Variants in WDR1 observed in about 807,000 individuals in gnomAD.
WDR1 encodes the protein WD repeat domain 1, also known as WD repeat-containing protein 1.
A neutral mutation model predicts 71.9 loss-of-function variants in WDR1; 21 were observed. The ratio of observed to expected loss-of-function variants is 0.29; its 90% CI spans 0.21 to 0.42. WDR1 has a LOEUF of 0.42. WDR1 is among the 10% of genes least tolerant of loss of function. The pLI, the probability that WDR1 is intolerant of heterozygous loss-of-function variation, is 1.00. For missense variants in WDR1, 696 were observed against 824.5 expected (o/e 0.84, Z 1.91); for synonymous variants, 424 against 347.4 (o/e 1.22, Z -2.45).
At chr4:10,084,587 C>T (rs1765138769) in intron 8 of WDR1, 57 bp from the exon 9 acceptor site, 2 of 1,533,236 alleles carry the variant, frequency 1.3e-6, no homozygotes, top group Non-Finnish European at 9.0e-7. Flanking sequence ...TGCCCTCTGC[C>T]ACCCGCTTTC....
chr4:10,101,081 C>T (rs1432076494), intron 3 of WDR1, among the ~76,000 whole-genome samples: 1 of 152,256 alleles, frequency 6.6e-6, no homozygotes, highest in African/African-American at 2.4e-5. Context: ...ATGGCCCTCG[C>T]CAACTCCCAA....
rs1764737631 is a variant in WDR1 at position 10,074,864 on chromosome 4, CA to C, written c.*513del. The C allele has an allele frequency of 1.9e-5, 3 of 156,166 alleles. No homozygotes were observed. The highest frequency in any genetic ancestry group is 7.2e-5 in the African/African-American group (3 of 41,610). The allele number at this position is 156,166 out of a possible 1,614,324, so 9.7% of individuals were successfully genotyped here. A position where few individuals can be genotyped will look rare whatever the true frequency, so the allele number is the denominator to read the frequency against. On this transcript the variant is annotated 3_prime_UTR_variant, in exon 15 of 15. Coordinates refer to ENST00000499869, the MANE Select transcript of WDR1 (RefSeq NM_017491.5). ...TGATCTGGAGGTGGCGCTCTGAAGG[CA>C]GCCACAAGGTGTGAGTCACACACTA...
At chr4:10,113,757 A>T (rs1713535378) in intron 2 of WDR1, among the ~76,000 whole-genome samples, 1 of 152,284 alleles carries the variant, frequency 6.6e-6, no homozygotes, top group Non-Finnish European at 1.5e-5. Flanking sequence ...ATGTGGAGTC[A>T]GAAGGATTTA....
At chr4:10,106,732 G>C (rs979675014) in intron 2 of WDR1, among the ~76,000 whole-genome samples, 2 of 152,188 alleles carry the variant, frequency 1.3e-5, no homozygotes, top group Admixed American at 6.5e-5. Flanking sequence ...ACTCACTCTC[G>C]TTTGTATTCT....
At chr4:10,109,194 C>T (rs1000913231) in intron 2 of WDR1, among the ~76,000 whole-genome samples, 5 of 152,270 alleles carry the variant, frequency 3.3e-5, no homozygotes, top group Admixed American at 6.5e-5. Context: ...AGACACTGGG[C>T]GATACGCCCC....
At chr4:10,093,421 C>T (rs1324296779) in intron 5 of WDR1, among the ~76,000 whole-genome samples, 1 of 152,248 alleles carries the variant, frequency 6.6e-6, no homozygotes, top group Non-Finnish European at 1.5e-5. Context: ...TGGCTCTGGA[C>T]CATCCTTCAG....
At chr4:10,088,880 T>A in intron 5 of WDR1, 139 bp from the exon 6 acceptor site, 1 of 709,598 alleles carries the variant, frequency 1.4e-6, no homozygotes, top group Non-Finnish European at 2.5e-6. Context: ...TTTCAGAGCT[T>A]AAAAAAACAT....
rs372838574 is a variant in WDR1 at position 10,075,404 on chromosome 4, C to G, written c.1795G>C (p.Val599Leu). The change falls in exon 15 of 15, where the codon GTC (valine) becomes CTC (leucine). Residue 599 changes from valine (V) to leucine (L), a missense_variant. Physicochemically the swap from Val to Leu is conservative, Grantham distance 32. Transcript: ENST00000499869. Reference sequence around the variant, plus strand: ...CAGTAGGTGATTGTCCACTCCTTGACAGAGGCATCATGGGAGGTCGTGACC... The same window carrying G: ...CAGTAGGTGATTGTCCACTCCTTGAGAGAGGCATCATGGGAGGTCGTGACC... ...TLVTTSHDAS[V>L]KEWTITY The G allele has an allele frequency of 3.7e-6, 6 of 1,613,836 alleles. No homozygotes were observed. The African/African-American group carries it at 8.0e-5, about 22-fold the overall frequency.
At chr4:10,083,660 G>T in intron 9 of WDR1, 1 of 476,700 alleles carries the variant, frequency 2.1e-6, no homozygotes, top group Non-Finnish European at 4.2e-6. Context: ...CGGTGCTCAG[G>T]GAGGGCAGCA....
intron 9 of WDR1, 72 bp from the exon 10 acceptor site, chr4:10,083,250 G>C (rs1765085359): frequency 6.6e-7 from 1 of 1,515,364 alleles, no homozygotes; most frequent in African/African-American, 1.4e-5. Flanking sequence ...TCAGTCCTAA[G>C]ATTCTCCATT....
intron 2 of WDR1, among the ~76,000 whole-genome samples, chr4:10,110,637 C>G (rs1349531068): frequency 1.3e-5 from 2 of 152,228 alleles, no homozygotes; most frequent in Non-Finnish European, 2.9e-5. Flanking sequence ...GCTGTCCCCG[C>G]TCTGTGGCAC....
rs1353643976 is a variant in WDR1 at position 10,074,770 on chromosome 4, C to A, written c.*608G>T. On this transcript the variant is annotated 3_prime_UTR_variant, in exon 15 of 15. Coordinates refer to ENST00000499869, the MANE Select transcript of WDR1 (RefSeq NM_017491.5). ...ATTAAAAAAAAAGGAAAGATACCCA[C>A]AATTCCATTCTTAAAATCAAGCACA... 6.6e-6 allele frequency: 1 copy of A among 152,466 alleles called. No individual in the cohort carries two copies. The allele number at this position is 152,466 out of a possible 1,614,324, so 9.4% of individuals were successfully genotyped here. A position where few individuals can be genotyped will look rare whatever the true frequency, so the allele number is the denominator to read the frequency against.
intron 11 of WDR1, among the ~76,000 whole-genome samples, chr4:10,079,208 GGAA>G (rs1230300784): frequency 3.9e-5 from 6 of 152,244 alleles, no homozygotes; most frequent in Non-Finnish European, 7.3e-5. Context: ...AGGTGGGGCA[GGAA>G]ACACAACTAA....
chr4:10,075,629 G>T, intron 14 of WDR1, 145 bp from the exon 15 acceptor site: 2 of 731,032 alleles, frequency 2.7e-6, no homozygotes, highest in Non-Finnish European at 4.7e-6. Flanking sequence ...CAGGAGCCTG[G>T]CACGGTGGCA....
At chr4:10,077,160 G>T in intron 14 of WDR1, 144 bp downstream of exon 14, 1 of 1,175,024 alleles carries the variant, frequency 8.5e-7, no homozygotes. Context: ...GATGGAAGGA[G>T]ACCCACAACT....
At chr4:10,079,071 G>T in intron 11 of WDR1, 70 bp from the exon 12 acceptor site, 1 of 1,290,484 alleles carries the variant, frequency 7.7e-7, no homozygotes, top group Non-Finnish European at 1.1e-6. Context: ...GGTAGGAGGG[G>T]CGCGTCCCTG....
chr4:10,099,507 T>C (rs2241488), intron 3 of WDR1, among the ~76,000 whole-genome samples: 25,101 of 152,314 alleles, frequency 0.16, 2,574 homozygotes, highest in Middle Eastern at 0.24. Flanking sequence ...TCTCACTGTG[T>C]TTCTTTTCTT....
chr4:10,085,276 A>G (rs1337978752), intron 8 of WDR1, among the ~76,000 whole-genome samples: 1 of 152,202 alleles, frequency 6.6e-6, no homozygotes, highest in African/African-American at 2.4e-5. Context: ...TTTCCGCAGG[A>G]ATTCTTGATC....
rs115365466 is a variant in WDR1, at chr4:10,087,145, T to C, written c.951+562A>G. The stretch of plus-strand genomic sequence containing the variant: ...CTTCACACCTGGGACCCATGGATGA[T>C]TCTAACTCCGTTTCCTCCTGCTCCC... On this transcript the variant is annotated intron_variant, in intron 8 of 14. Coordinates refer to ENST00000499869, the MANE Select transcript of WDR1 (RefSeq NM_017491.5). 3.7e-3 allele frequency among the ~76,000 whole-genome samples: 561 copies of C among 152,304 alleles called. 3 individuals are homozygous for C. Among genetic ancestry groups the C allele is most frequent in the African/African-American group, 0.013 (533 of 41,548 alleles).
Sources: allele counts gnomAD v4.1 joint callset (sites outside exome capture counted in the v4.1 genomes callset), GRCh38; gene constraint gnomAD v4.1.1; transcripts MANE v1.5; gene names NCBI Gene and HGNC (gene_info 2026-07-23, HGNC 2026-07-21).